SMYD3: variants seen among roughly 807,000 people sequenced by gnomAD.
The protein encoded by SMYD3 is SET and MYND domain containing 3.
A neutral mutation model predicts 57.7 loss-of-function variants in SMYD3; 36 were observed. The ratio of observed to expected loss-of-function variants is 0.62; its 90% confidence interval spans 0.48 to 0.82. The LOEUF is 0.82. Ranked by LOEUF, SMYD3 falls within the 40% of genes least tolerant of loss-of-function variation. The pLI is 0.00. For synonymous variants in SMYD3, 211 were observed against 195.0 expected (o/e 1.08, Z -0.68); for missense variants, 515 against 538.8 (o/e 0.96, Z 0.44).
At chr1:246,232,463 GCA>G (rs1390705093) in intron 5 of SMYD3, among the ~76,000 whole-genome samples, 20 of 151,940 alleles carry the variant, frequency 1.3e-4, no homozygotes, top group African/African-American at 4.6e-4. Context: ...GAGAGGAGAA[GCA>G]CTCCTTCAAT....
At chr1:245,969,043 T>C (rs2058228696) in intron 5 of SMYD3, among the ~76,000 whole-genome samples, 1 of 152,236 alleles carries the variant, frequency 6.6e-6, no homozygotes, top group Non-Finnish European at 1.5e-5. Flanking sequence ...CTGATTTTCT[T>C]AGTTAATAAT....
At chr1:246,023,787 T>A (rs1238827770) in intron 5 of SMYD3, among the ~76,000 whole-genome samples, 1 of 141,262 alleles carries the variant, frequency 7.1e-6, no homozygotes, top group Non-Finnish European at 1.5e-5. Context: ...CAGAACCCAC[T>A]TCACAGGACT....
intron 1 of SMYD3, among the ~76,000 whole-genome samples, chr1:246,405,321 C>T (rs2066843599): frequency 6.6e-6 from 1 of 152,168 alleles, no homozygotes; most frequent in Non-Finnish European, 1.5e-5. Flanking sequence ...AGCATATCCA[C>T]CACCTCAAAC....
intron 5 of SMYD3, among the ~76,000 whole-genome samples, chr1:246,221,821 C>T (rs537430826): frequency 6.6e-5 from 10 of 152,118 alleles, no homozygotes; most frequent in South Asian, 2.1e-4. Flanking sequence ...ATGAGCTGAG[C>T]GCAGCCTGCC....
intron 1 of SMYD3, among the ~76,000 whole-genome samples, chr1:246,475,227 GA>G (rs2068013338): frequency 6.6e-6 from 1 of 151,786 alleles, no homozygotes; most frequent in South Asian, 2.1e-4. Flanking sequence ...AGCTACTTGG[GA>G]GACTGAGGGA....
intron 5 of SMYD3, among the ~76,000 whole-genome samples, chr1:246,316,360 G>A (rs932512739): frequency 2.7e-5 from 4 of 146,988 alleles, no homozygotes; most frequent in Admixed American, 1.3e-4. Flanking sequence ...TGTCTTCATG[G>A]GTTTTTTTTT....
rs113958442 is a variant in SMYD3 at position 246,175,717 on chromosome 1, C to A, written c.531+151484G>T. Among the ~76,000 whole-genome samples the A allele has an allele frequency of 1.6e-3, 246 of 152,082 alleles. 1 individual carries two copies. Among genetic ancestry groups the A allele is most frequent in the African/African-American group, 5.5e-3 (228 of 41,456 alleles). ...GGGGAAAGTTTTAAACATTTATTGC[C>A]GACACTCCAGGAAAATAGAGGGTAA... On this transcript the variant is annotated intron_variant, in intron 5 of 11. Coordinates refer to ENST00000490107, the MANE Select transcript of SMYD3 (RefSeq NM_001167740.2).
At chr1:246,172,418 C>A (rs548126129) in intron 5 of SMYD3, among the ~76,000 whole-genome samples, 30 of 145,668 alleles carry the variant, frequency 2.1e-4, no homozygotes, top group African/African-American at 7.5e-4. Flanking sequence ...ACTTTATCAA[C>A]ACTACACACT....
chr1:246,128,521 A>T (rs1420991119), intron 5 of SMYD3, among the ~76,000 whole-genome samples: 1 of 152,182 alleles, frequency 6.6e-6, no homozygotes, highest in African/African-American at 2.4e-5. Context: ...AATCTTATTT[A>T]ATTTTTATTA....
intron 5 of SMYD3, among the ~76,000 whole-genome samples, chr1:246,242,233 T>C (rs1440612332): frequency 6.6e-6 from 1 of 152,196 alleles, no homozygotes; most frequent in Non-Finnish European, 1.5e-5. Flanking sequence ...CACTTAATGC[T>C]CTAAATTTCC....
At chr1:246,214,411 T>C (rs1469589747) in intron 5 of SMYD3, among the ~76,000 whole-genome samples, 1 of 152,094 alleles carries the variant, frequency 6.6e-6, no homozygotes, top group African/African-American at 2.4e-5. Context: ...AACAGAACTG[T>C]CAATTAACTG....
intron 8 of SMYD3, among the ~76,000 whole-genome samples, chr1:245,892,022 C>T (rs9662383): frequency 0.18 from 27,386 of 152,004 alleles, 3,123 homozygotes; most frequent in East Asian, 0.56. Flanking sequence ...GAAAGAGTGA[C>T]GCCCTGTCTC....
At chr1:246,342,715 T>C (rs965619613) in intron 2 of SMYD3, among the ~76,000 whole-genome samples, 8 of 152,026 alleles carry the variant, frequency 5.3e-5, no homozygotes, top group African/African-American at 1.9e-4. Context: ...GAGCTAAATA[T>C]AAAGAAGGAA....
intron 1 of SMYD3, among the ~76,000 whole-genome samples, chr1:246,419,873 A>G (rs2067117075): frequency 6.6e-6 from 1 of 152,232 alleles, no homozygotes; most frequent in Non-Finnish European, 1.5e-5. Flanking sequence ...CCTGGTGCCA[A>G]AAAGGTTGGG....
chr1:245,955,941 G>T, intron 5 of SMYD3: 2 of 983,534 alleles, frequency 2.0e-6, no homozygotes, highest in Non-Finnish European at 2.4e-6. Context: ...TGTTGCTATA[G>T]TTTATAGCTG....
intron 8 of SMYD3, among the ~76,000 whole-genome samples, chr1:245,912,027 TA>T (rs909941062): frequency 6.6e-6 from 1 of 152,070 alleles, no homozygotes; most frequent in African/African-American, 2.4e-5. Context: ...TAAAAATGTT[TA>T]AAAAGCAATA....
At chr1:245,762,118 C>G (rs563731988) in intron 11 of SMYD3, among the ~76,000 whole-genome samples, 2 of 152,264 alleles carry the variant, frequency 1.3e-5, no homozygotes, top group South Asian at 2.1e-4. Context: ...AGTATTTGAT[C>G]ACCATGTTGA....
chr1:245,955,215 C>A (rs548804617), intron 5 of SMYD3, among the ~76,000 whole-genome samples: 2 of 152,184 alleles, frequency 1.3e-5, no homozygotes, highest in South Asian at 4.2e-4. Flanking sequence ...CCTCAGCCTC[C>A]TGAGTAGCTG....
intron 5 of SMYD3, among the ~76,000 whole-genome samples, chr1:245,960,752 TGGC>T (rs1405905603): frequency 9.0e-4 from 137 of 152,044 alleles, no homozygotes; most frequent in African/African-American, 3.0e-3. Flanking sequence ...AATAAATAAA[TGGC>T]ATAAATTAGC....
Sources: allele counts gnomAD v4.1 joint callset (sites outside exome capture counted in the v4.1 genomes callset), GRCh38; gene constraint gnomAD v4.1.1; transcripts MANE v1.5; gene names NCBI Gene and HGNC (gene_info 2026-07-23, HGNC 2026-07-21).